The following MEGF6 variants were observed in gnomAD, a reference collection of about 807,000 sequenced individuals.
MEGF6 encodes multiple EGF like domains 6, also known as multiple epidermal growth factor-like domains protein 6.
A neutral mutation model predicts 207.1 loss-of-function variants in MEGF6; 184 were observed. The ratio of observed to expected loss-of-function variants is 0.89; its 90% CI spans 0.79 to 1.00. The LOEUF (loss-of-function observed/expected upper bound fraction) is 1.00, where lower values mean the gene tolerates loss of function less well. Among genes scored for constraint, MEGF6 ranks in the 50% least tolerant of loss-of-function variants. The pLI, the probability that MEGF6 is intolerant of heterozygous loss-of-function variation, is 0.00. For synonymous variants in MEGF6, 1,038 were observed against 910.0 expected, an observed-to-expected ratio of 1.14 and a Z score of -2.53; for missense variants, 2,282 against 2,202.9, an observed-to-expected ratio of 1.04 and a Z score of -0.72.
intron 4 of MEGF6, among the ~76,000 whole-genome samples, chr1:3,533,606 G>A (rs981755994): frequency 1.3e-5 from 2 of 152,218 alleles, no homozygotes; most frequent in Non-Finnish European, 2.9e-5. Context: ...AGACACCAGA[G>A]GCCAGGCCTG....
intron 4 of MEGF6, among the ~76,000 whole-genome samples, chr1:3,529,545 G>A (rs1421918525): frequency 6.6e-5 from 10 of 152,228 alleles, no homozygotes; most frequent in Non-Finnish European, 4.4e-5. Flanking sequence ...TGCTGCCCTC[G>A]GCTAGATACG....
rs199639255 is a variant in MEGF6, at chr1:3,595,429, G to A, written c.285C>T (p.Gly95=). The change falls in exon 3 of 37, where the codon GGC becomes GGT. Residue 95 remains glycine, a synonymous_variant. Transcript: ENST00000356575. ...GHERRTVYYM[G]YRQVYTTEAR... ...CCTCCGTGGTATACACCTGCCTGTAGCCCATGTAGTAGACGGTTCTAGAAA... is the reference window on the plus strand; with the variant it reads ...CCTCCGTGGTATACACCTGCCTGTAACCCATGTAGTAGACGGTTCTAGAAA... 13 of 1,612,584 alleles carry A rather than the reference G, an allele frequency of 8.1e-6. No individual in the cohort carries two copies. The Admixed American group carries it at 1.5e-4, about 19-fold the overall frequency.
chr1:3,531,217 G>C, intron 4 of MEGF6: 1 of 1,490,324 alleles, frequency 6.7e-7, no homozygotes, highest in Non-Finnish European at 8.9e-7. Flanking sequence ...CCAGAGCGCG[G>C]CCAGCCCGCG....
At chr1:3,501,139 C>G (rs370124315) in intron 19 of MEGF6, 38 bp downstream of exon 19, 8 of 1,612,472 alleles carry the variant, frequency 5.0e-6, no homozygotes, top group South Asian at 1.1e-5. Context: ...GCCACCTACC[C>G]CAGGTCAAAG....
At chr1:3,511,039 G>A in intron 9 of MEGF6, 137 bp from the exon 10 acceptor site, 1 of 1,265,118 alleles carries the variant, frequency 7.9e-7, no homozygotes, top group East Asian at 2.6e-5. Flanking sequence ...CCTCACGTGT[G>A]CACACCGACA....
chr1:3,524,302 C>T (rs560989517), intron 4 of MEGF6, 56 bp from the exon 5 acceptor site: 11 of 1,579,490 alleles, frequency 7.0e-6, no homozygotes, highest in South Asian at 3.4e-5. Context: ...CCTGCTTTGC[C>T]AACACAGCCC....
At position 3,496,982 on chromosome 1, in the gene MEGF6, A is replaced by C. The variant is rs1569938816; in HGVS notation, c.3613+6T>G. 6.5e-7 allele frequency: 1 copy of C among 1,548,600 alleles called. No homozygotes were observed. Among genetic ancestry groups the C allele is most frequent in the Non-Finnish European group, 8.7e-7 (1 of 1,146,830 alleles). ...GAGTCCCTGGGTGGGCACGGGCAGC[A>C]CTCACGTTGCTGGCAGCTGGGGCCG... On this transcript the variant is annotated splice_donor_region_variant and intron_variant, in intron 28 of 36. Transcript: ENST00000356575.
rs757567406 is a variant in MEGF6, at chr1:3,511,798, G to A, written c.977-111C>T. On this transcript the variant is annotated intron_variant, in intron 8 of 36. Coordinates refer to ENST00000356575, the MANE Select transcript of MEGF6 (RefSeq NM_001409.4). The stretch of plus-strand genomic sequence containing the variant: ...GCCAGCCTCGGGCCTGGGGACACCC[G>A]TGGGAAGCAGCAACATGGAGCTCCC... 5.5e-5 allele frequency: 82 copies of A among 1,495,004 alleles called. No individual in the cohort carries two copies. In the African/African-American group the frequency reaches 6.0e-4, roughly 11 times the overall value. The allele number at this position is 1,495,004 out of a possible 1,614,324, so 92.6% of individuals were successfully genotyped here.
At chr1:3,580,017 C>A in intron 3 of MEGF6, 88 bp from the exon 4 acceptor site, 1 of 918,414 alleles carries the variant, frequency 1.1e-6, no homozygotes, top group South Asian at 1.8e-5. Context: ...GGGCAGGCAG[C>A]CCACCCAGCC....
chr1:3,501,339 C>G, intron 18 of MEGF6, 31 bp from the exon 19 acceptor site: 1 of 1,573,730 alleles, frequency 6.4e-7, no homozygotes, highest in African/African-American at 1.4e-5. Flanking sequence ...CAGTCAGTGC[C>G]CAAGCTGCCC....
chr1:3,600,870 G>C (rs1186373707), intron 2 of MEGF6, among the ~76,000 whole-genome samples: 1 of 152,204 alleles, frequency 6.6e-6, no homozygotes, highest in East Asian at 1.9e-4. Flanking sequence ...GCGGGGGCCA[G>C]GTGAGAACAG....
At chr1:3,520,115 A>G (rs1402538152) in intron 5 of MEGF6, among the ~76,000 whole-genome samples, 1 of 152,252 alleles carries the variant, frequency 6.6e-6, no homozygotes, top group Non-Finnish European at 1.5e-5. Context: ...AGCGTGTTTC[A>G]TCTGGAGGGA....
Position 3,497,083 on chromosome 1 carries a change from T to G in MEGF6, c.3518A>C (p.Gln1173Pro). 1 of 1,573,018 alleles carries G rather than the reference T, an allele frequency of 6.4e-7. No homozygotes were observed. The highest frequency in any genetic ancestry group is 8.6e-7 in the Non-Finnish European group (1 of 1,159,678). The change falls in exon 28 of 37, where the codon CAG becomes CCG. Residue 1173 changes from glutamine (Q) to proline (P), a missense_variant. By Grantham distance (76) the Gln-to-Pro change is moderately conservative (BLOSUM62 -1). Transcript: ENST00000356575. ...PPGSFGEDCA[Q>P]MCQCPGENPA... Reference sequence around the variant, plus strand: ...GTTCTCACCGGGACACTGGCACATCTGCGCACAGTCCTCCCCAAAGCTGCC... The same window carrying G: ...GTTCTCACCGGGACACTGGCACATCGGCGCACAGTCCTCCCCAAAGCTGCC...
the MEGF6 span, chr1:3,623,418 G>C: frequency 2.0e-5 from 3 of 152,338 alleles, no homozygotes; most frequent in Non-Finnish European, 4.4e-5. Context: ...TGGTAAGATA[G>C]CTGGGAGACA....
Position 3,498,807 on chromosome 1 carries a change from G to A in MEGF6, c.3114C>T (p.Tyr1038=), listed in dbSNP as rs541636588. ...GGCAGGAATGCCGACAGTTGTCGCC[G>A]TACAGGCCGGCAGGGCAGGCTGGGG... ...SCLQACPAGL[Y]GDNCRHSCLC... is the part of the protein sequence containing the mutation. Residue 1038 remains tyrosine (Y), a synonymous_variant, in exon 25 of 37, where the codon TAC becomes TAT. Transcript: ENST00000356575. 5.1e-5 allele frequency: 80 copies of A among 1,554,056 alleles called. No homozygotes were observed. Among genetic ancestry groups the A allele is most frequent in the Admixed American group, 2.3e-4 (12 of 51,586 alleles).
chr1:3,504,470 C>T (rs1233939294), intron 17 of MEGF6, among the ~76,000 whole-genome samples: 2 of 152,028 alleles, frequency 1.3e-5, no homozygotes, highest in Non-Finnish European at 2.9e-5. Context: ...CAGGACCACA[C>T]ACCGTTGTCC....
rs1427418742 is a variant in MEGF6 at position 3,573,931 on chromosome 1, A to C, written c.481+5894T>G. 1.3e-5 allele frequency among the ~76,000 whole-genome samples: 2 copies of C among 152,176 alleles called. No homozygotes were observed. The highest frequency in any genetic ancestry group is 6.5e-5 in the Admixed American group (1 of 15,286). On this transcript the variant is annotated intron_variant, in intron 4 of 36. Coordinates refer to ENST00000356575, the MANE Select transcript of MEGF6 (RefSeq NM_001409.4). This position sits in a 1 kb window ranked among gnomAD's most constrained non-coding sequence, Gnocchi z 5.1. ...CGCCCTGAGCCAACGCCAAGGGCTA[A>C]ACGGGCTCAGGACACCACCCAGTCC...
chr1:3,574,605 C>T (rs1643592238), intron 4 of MEGF6, among the ~76,000 whole-genome samples: 1 of 151,910 alleles, frequency 6.6e-6, no homozygotes, highest in Non-Finnish European at 1.5e-5. Context: ...GAACTGAGGC[C>T]CAAAAGGGAA....
At chr1:3,603,000 C>A (rs1003382722) in intron 1 of MEGF6, among the ~76,000 whole-genome samples, 2 of 152,218 alleles carry the variant, frequency 1.3e-5, no homozygotes, top group African/African-American at 4.8e-5. Flanking sequence ...CCCCACCTCG[C>A]TTCAGAGATG....
Sources: allele counts gnomAD v4.1 joint callset (sites outside exome capture counted in the v4.1 genomes callset), GRCh38; gene constraint gnomAD v4.1.1; non-coding constraint Gnocchi (gnomAD v3.1); transcripts MANE v1.5; gene names NCBI Gene and HGNC (gene_info 2026-07-23, HGNC 2026-07-21).